The following GAS7 variants were observed in gnomAD, a reference collection of about 807,000 sequenced individuals.
GAS7 encodes the protein growth arrest specific 7.
Under a neutral mutation model 71.1 loss-of-function variants are expected in GAS7, and 28 were observed. The ratio of observed to expected loss-of-function variants is 0.39; its 90% confidence interval spans 0.29 to 0.54. The LOEUF is 0.54. Among genes scored for constraint, GAS7 ranks in the 20% least tolerant of loss-of-function variants. The pLI is 0.62. For synonymous variants in GAS7, 258 were observed against 245.8 expected (o/e 1.05, Z -0.46); for missense variants, 436 against 627.8 (o/e 0.69, Z 3.27).
chr17:9,940,593 CCT>C (rs1412875740), intron 7 of GAS7, among the ~76,000 whole-genome samples: 1 of 152,162 alleles, frequency 6.6e-6, no homozygotes, highest in Admixed American at 6.5e-5. Flanking sequence ...AGTGCTGTCC[CCT>C]CTCCCTTCCA....
intron 1 of GAS7, among the ~76,000 whole-genome samples, chr17:10,114,989 C>T (rs777319877): frequency 3.9e-5 from 6 of 152,208 alleles, no homozygotes; most frequent in Non-Finnish European, 8.8e-5. Flanking sequence ...TGCAGACCAA[C>T]AGGCTGGGGG....
rs2070576183 is a variant in GAS7, at chr17:9,984,829, G to A, written c.305-2945C>T. On this transcript the variant is annotated intron_variant, in intron 2 of 13. Transcript: ENST00000432992. The stretch of plus-strand genomic sequence containing the variant: ...ATAAAACAGACAGACAAGCCCGGTG[G>A]AGCTTCGATGAGCAAAAGCAGCGAG... 3.3e-5 allele frequency among the ~76,000 whole-genome samples: 5 copies of A among 152,322 alleles called. No homozygotes were observed. In the South Asian group the frequency reaches 1.0e-3, roughly 32 times the overall value.
intron 1 of GAS7, among the ~76,000 whole-genome samples, chr17:10,107,496 G>A (rs1469167544): frequency 2.0e-5 from 3 of 152,050 alleles, no homozygotes; most frequent in African/African-American, 7.2e-5. Flanking sequence ...ACACAGTCCA[G>A]TGGTGGCGGG....
intron 1 of GAS7, among the ~76,000 whole-genome samples, chr17:10,183,232 C>T (rs1417292342): frequency 6.6e-6 from 1 of 152,066 alleles, no homozygotes; most frequent in Non-Finnish European, 1.5e-5. Flanking sequence ...GGCCCCACCC[C>T]AGACCTACTG....
intron 1 of GAS7, among the ~76,000 whole-genome samples, chr17:10,138,819 C>G (rs752933683): frequency 2.0e-5 from 3 of 152,036 alleles, no homozygotes; most frequent in Non-Finnish European, 4.4e-5. Flanking sequence ...GAACTAGAAT[C>G]GAGGTTTCCA....
At chr17:10,129,602 GC>G (rs2073980348) in intron 1 of GAS7, among the ~76,000 whole-genome samples, 1 of 152,168 alleles carries the variant, frequency 6.6e-6, no homozygotes, top group African/African-American at 2.4e-5. Flanking sequence ...ACTAGGTGAT[GC>G]CTTCATAGAT....
chr17:9,951,484 C>G (rs1299357522), intron 5 of GAS7, among the ~76,000 whole-genome samples: 1 of 152,126 alleles, frequency 6.6e-6, no homozygotes, highest in East Asian at 1.9e-4. Flanking sequence ...TGGCCAGGTG[C>G]GGTGGCTCAT....
chr17:9,923,051 GGC>G (rs1187955971), intron 11 of GAS7, among the ~76,000 whole-genome samples: 1 of 152,134 alleles, frequency 6.6e-6, no homozygotes, highest in African/African-American at 2.4e-5. Flanking sequence ...TTGGATTACA[GGC>G]ACACACCACC....
At chr17:10,132,624 C>T (rs1388899935) in intron 1 of GAS7, among the ~76,000 whole-genome samples, 3 of 152,036 alleles carry the variant, frequency 2.0e-5, no homozygotes, top group Non-Finnish European at 4.4e-5. Context: ...AAAAATTATC[C>T]GGGTATGGTG....
chr17:10,078,886 CA>C (rs975219286), intron 1 of GAS7, among the ~76,000 whole-genome samples: 11 of 151,908 alleles, frequency 7.2e-5, no homozygotes, highest in Admixed American at 1.3e-4. Flanking sequence ...TCTATCTCTA[CA>C]AAAAAAAATT....
chr17:10,124,516 G>T (rs1160461301), intron 1 of GAS7, among the ~76,000 whole-genome samples: 1 of 152,248 alleles, frequency 6.6e-6, no homozygotes, highest in African/African-American at 2.4e-5. Flanking sequence ...TTTGCAGGTG[G>T]CTACAGATCT....
chr17:10,193,024 G>C (rs781255125), intron 1 of GAS7, among the ~76,000 whole-genome samples: 13 of 152,124 alleles, frequency 8.5e-5, no homozygotes, highest in Non-Finnish European at 1.6e-4. Context: ...GTTGCAGAAA[G>C]AAAGGAAAAG....
chr17:9,973,101 G>A (rs1007362085), intron 3 of GAS7, among the ~76,000 whole-genome samples: 7 of 152,138 alleles, frequency 4.6e-5, no homozygotes, highest in African/African-American at 1.2e-4. Flanking sequence ...GTCAGGAAAC[G>A]GGAGACCATT....
chr17:10,126,347 T>A (rs925961379), intron 1 of GAS7, among the ~76,000 whole-genome samples: 2 of 131,132 alleles, frequency 1.5e-5, no homozygotes, highest in Non-Finnish European at 3.3e-5. Context: ...CACACACTCA[T>A]ACACTCACAC....
In GAS7 at chr17:9,981,879, TG is replaced by T; in HGVS notation, c.309del (p.Thr104ProfsTer26). The T allele has an allele frequency of 6.4e-7, 1 of 1,573,812 alleles. No individual in the cohort carries two copies. Among genetic ancestry groups the T allele is most frequent in the African/African-American group, 1.3e-5 (1 of 74,184 alleles). On this transcript the variant is annotated frameshift_variant, in exon 3 of 14. Coordinates refer to ENST00000432992, the MANE Select transcript of GAS7 (RefSeq NM_201433.2). LOFTEE classifies it high-confidence loss of function. The surrounding 1 kb of genome is among the most constrained non-coding windows in gnomAD (Gnocchi z 4.4). ...RYYVNTTTNE[T>X]TWERPSSSPG... ...GGAGAACTGCTGGGACGTTCCCAGG[TG>T]GTCTCTGGTGAAAGAAGAGCAAAGA...
chr17:9,925,169 T>C (rs2067951624), intron 11 of GAS7, among the ~76,000 whole-genome samples: 1 of 138,462 alleles, frequency 7.2e-6, no homozygotes, highest in Admixed American at 7.3e-5. Context: ...GTCAGAGATC[T>C]GGGGCTTGGG....
At chr17:10,021,865 T>C (rs1370497269) in intron 1 of GAS7, among the ~76,000 whole-genome samples, 1 of 152,076 alleles carries the variant, frequency 6.6e-6, no homozygotes, top group South Asian at 2.1e-4. Context: ...CGCGCGTGCA[T>C]GTTGAGAGAA....
At chr17:10,175,090 C>T (rs1041931884) in intron 1 of GAS7, among the ~76,000 whole-genome samples, 1 of 152,026 alleles carries the variant, frequency 6.6e-6, no homozygotes, top group Admixed American at 6.6e-5. Context: ...AAGTGATGCT[C>T]CTGCCTCGGC....
At chr17:10,167,073 T>TTTTTTTTTTTTTTA in intron 1 of GAS7, among the ~76,000 whole-genome samples, 1 of 116,008 alleles carries the variant, frequency 8.6e-6, no homozygotes. Flanking sequence ...TTTTTTTTTT[T>TTTTTTTTTTTTTTA]TGAGACAGAG....
Sources: allele counts gnomAD v4.1 joint callset (sites outside exome capture counted in the v4.1 genomes callset), GRCh38; gene constraint gnomAD v4.1.1; non-coding constraint Gnocchi (gnomAD v3.1); transcripts MANE v1.5; gene names NCBI Gene and HGNC (gene_info 2026-07-23, HGNC 2026-07-21).